The following AGR2 variants were observed in gnomAD, a reference collection of about 807,000 sequenced individuals.
AGR2 encodes anterior gradient 2, protein disulphide isomerase family member.
A neutral mutation model predicts 25.9 loss-of-function variants in AGR2; 27 were observed. The ratio of observed to expected loss-of-function variants is 1.04; its 90% CI spans 0.77 to 1.44. AGR2 has a LOEUF of 1.44. AGR2 is among the 40% of genes most tolerant of loss of function. The pLI is 0.00. For synonymous variants in AGR2, 78 were observed against 72.0 expected (o/e 1.08, Z -0.42); for missense variants, 182 against 200.9 (o/e 0.91, Z 0.57).
In AGR2 at chr7:16,801,304, T is replaced by A; in HGVS notation, c.203+16A>T. 3 of 1,613,256 alleles carry A rather than the reference T, an allele frequency of 1.9e-6. No individual in the cohort carries two copies. Among genetic ancestry groups the A allele is most frequent in the Non-Finnish European group, 2.5e-6 (3 of 1,179,388 alleles). Reference sequence around the variant, plus strand: ...TTGAGAGCTTTGAGGGAGCTCTGAGTAATCCTGATCTTTACCTTGTCTTGG... The same window carrying A: ...TTGAGAGCTTTGAGGGAGCTCTGAGAAATCCTGATCTTTACCTTGTCTTGG... On this transcript the variant is annotated intron_variant, in intron 3 of 7. Transcript: ENST00000419304.
At position 16,801,669 on chromosome 7, in the gene AGR2, G is replaced by T; in HGVS notation, c.128C>A (p.Thr43Asn). ...TKDSRPKLPQTLSRGWGDQLI... is the reference protein window; with the variant it reads ...TKDSRPKLPQNLSRGWGDQLI... ...AAGCTGACTCCTACCTCTGGAGAGG[G>T]TCTGGGGCAGTTTGGGTCGAGAGTC... The change falls in exon 2 of 8, where the codon ACC becomes AAC. Residue 43 changes from threonine to asparagine, a missense_variant. By Grantham distance (65) the Thr-to-Asn change is moderately conservative. Coordinates refer to ENST00000419304, the MANE Select transcript of AGR2 (RefSeq NM_006408.4). The T allele has an allele frequency of 6.2e-7, 1 of 1,613,810 alleles. No homozygotes were observed. Among genetic ancestry groups the T allele is most frequent in the Non-Finnish European group, 8.5e-7 (1 of 1,179,970 alleles).
chr7:16,794,634 G>A, intron 7 of AGR2: 2 of 565,584 alleles, frequency 3.5e-6, no homozygotes, highest in Non-Finnish European at 6.1e-6. Context: ...GTGATAGAAG[G>A]AGTGTGTGCT....
In AGR2 at chr7:16,800,553, A is replaced by G. The variant is rs1375257074; in HGVS notation, c.256+598T>C. ...GCCACTTGAGCACGTGAGTGATGGA[A>G]TCTGATTTATGTCTACCAGCCTCAC... is the stretch of plus-strand genomic sequence containing the variant. On this transcript the variant is annotated intron_variant, in intron 4 of 7. Coordinates refer to ENST00000419304, the MANE Select transcript of AGR2 (RefSeq NM_006408.4). Among the ~76,000 whole-genome samples the G allele has an allele frequency of 2.6e-5, 4 of 152,326 alleles. No homozygotes were observed. The South Asian group carries it at 8.3e-4, about 32-fold the overall frequency.
intron 1 of AGR2, among the ~76,000 whole-genome samples, chr7:16,803,536 G>C (rs1192217597): frequency 6.6e-6 from 1 of 152,056 alleles, no homozygotes; most frequent in Admixed American, 6.6e-5. Flanking sequence ...GTGTTGCTAA[G>C]CTACCAGATC....
intron 1 of AGR2, among the ~76,000 whole-genome samples, 160 bp downstream of exon 1, chr7:16,804,775 C>G (rs1562529114): frequency 1.3e-5 from 2 of 152,122 alleles, no homozygotes; most frequent in Non-Finnish European, 2.9e-5. Flanking sequence ...CCCAGTAAGA[C>G]TTTTGTGGAA....
At chr7:16,802,832 T>C (rs1347924163) in intron 1 of AGR2, among the ~76,000 whole-genome samples, 1 of 151,686 alleles carries the variant, frequency 6.6e-6, no homozygotes, top group Non-Finnish European at 1.5e-5. Flanking sequence ...GCTAAGAAAA[T>C]TTACATTTAC....
Position 16,792,866 on chromosome 7 carries a change from C to A in AGR2, c.*42G>T, listed in dbSNP as rs775599522. 1.3e-6 allele frequency: 2 copies of A among 1,569,960 alleles called. No individual in the cohort carries two copies. Among genetic ancestry groups the A allele is most frequent in the Non-Finnish European group, 1.8e-6 (2 of 1,139,850 alleles). The stretch of plus-strand genomic sequence containing the variant: ...TCTCACACTTCTTCTGGTTTCAAGT[C>A]TCAAGGCCTGACAGACAGAAGGGCT... On this transcript the variant is annotated 3_prime_UTR_variant, in exon 8 of 8. Coordinates refer to ENST00000419304, the MANE Select transcript of AGR2 (RefSeq NM_006408.4).
At position 16,795,132 on chromosome 7, in the gene AGR2, T is replaced by C. The variant is rs1245083746; in HGVS notation, c.395-113A>G. On this transcript the variant is annotated intron_variant, in intron 6 of 7. Coordinates refer to ENST00000419304, the MANE Select transcript of AGR2 (RefSeq NM_006408.4). ...ATTCATGTCCTGTGAGGGAATGGAG[T>C]GTGTCTGCACTCACAGGAGCTCTGA... is the stretch of plus-strand genomic sequence containing the variant. 7 of 1,161,594 alleles carry C rather than the reference T, an allele frequency of 6.0e-6. No individual in the cohort carries two copies. The African/African-American group carries it at 7.6e-5, about 13-fold the overall frequency. 72.0% of individuals were successfully genotyped at this position (1,161,594 alleles called of 1,614,324 possible). A position where few individuals can be genotyped will look rare whatever the true frequency, so the allele number is the denominator to read the frequency against.
intron 4 of AGR2, 94 bp downstream of exon 4, chr7:16,801,057 A>G: frequency 1.1e-6 from 1 of 898,360 alleles, no homozygotes; most frequent in Non-Finnish European, 1.7e-6. Context: ...CTTTAATGCA[A>G]CTGTGGTTCT....
intron 5 of AGR2, 154 bp downstream of exon 5, chr7:16,799,590 A>G (rs927980600): frequency 3.8e-5 from 21 of 553,922 alleles, no homozygotes; most frequent in African/African-American, 2.2e-4. Flanking sequence ...TATTAATACA[A>G]CGAAATATCT....
At chr7:16,801,095 C>T in intron 4 of AGR2, 56 bp downstream of exon 4, 3 of 1,438,206 alleles carry the variant, frequency 2.1e-6, no homozygotes, top group Non-Finnish European at 2.9e-6. Context: ...TGATCTGAAC[C>T]CTGGCCCTAA....
Position 16,792,899 on chromosome 7 carries a change from T to A in AGR2, c.*9A>T. On this transcript the variant is annotated 3_prime_UTR_variant, in exon 8 of 8. Coordinates refer to ENST00000419304, the MANE Select transcript of AGR2 (RefSeq NM_006408.4). The stretch of plus-strand genomic sequence containing the variant: ...CTGACAGACAGAAGGGCTTGGAGAT[T>A]TTTTTTCTTTACAATTCAGTCTTCA... 1.2e-6 allele frequency: 2 copies of A among 1,613,006 alleles called. No homozygotes were observed. Among genetic ancestry groups the A allele is most frequent in the Non-Finnish European group, 1.7e-6 (2 of 1,178,990 alleles).
At chr7:16,795,854 A>G (rs879304176) in intron 6 of AGR2, among the ~76,000 whole-genome samples, 1 of 152,216 alleles carries the variant, frequency 6.6e-6, no homozygotes, top group Non-Finnish European at 1.5e-5. Context: ...GGAGTGGGCA[A>G]TCTGTCATTT....
rs1784972557 is a variant in AGR2 at position 16,791,963 on chromosome 7, G to A, written c.*945C>T. On this transcript the variant is annotated 3_prime_UTR_variant, in exon 8 of 8. Transcript: ENST00000419304. The stretch of plus-strand genomic sequence containing the variant: ...CATATATTAATGAATGTGAGATTAA[G>A]TATAGAGTGAAGACATTAACACACA... 2 of 152,214 alleles carry A rather than the reference G, an allele frequency of 1.3e-5. No individual in the cohort carries two copies. Among genetic ancestry groups the A allele is most frequent in the African/African-American group, 2.4e-5 (1 of 41,440 alleles). The allele number at this position is 152,214 out of a possible 1,614,324, so 9.4% of individuals were successfully genotyped here. A position where few individuals can be genotyped will look rare whatever the true frequency, so the allele number is the denominator to read the frequency against.
intron 4 of AGR2, among the ~76,000 whole-genome samples, chr7:16,800,103 G>A (rs1785116465): frequency 1.3e-5 from 2 of 152,238 alleles, no homozygotes; most frequent in South Asian, 4.1e-4. Flanking sequence ...ACTAGGGATG[G>A]TGCAGTGAAC....
intron 5 of AGR2, among the ~76,000 whole-genome samples, chr7:16,798,089 CT>C (rs1785079801): frequency 6.6e-6 from 1 of 152,166 alleles, no homozygotes; most frequent in Non-Finnish European, 1.5e-5. Context: ...TTATTTAGAA[CT>C]GTATTTAGCA....
At chr7:16,793,077 G>T (rs1784989009) in intron 7 of AGR2, 120 bp from the exon 8 acceptor site, 1 of 913,204 alleles carries the variant, frequency 1.1e-6, no homozygotes, top group Non-Finnish European at 1.7e-6. Flanking sequence ...TTGAGACAAG[G>T]TCTCACTCCC....
chr7:16,799,735 G>A lies in AGR2; in HGVS notation c.330+9C>T, dbSNP rs1785110275. 1.7e-5 allele frequency: 27 copies of A among 1,602,862 alleles called. No individual in the cohort carries two copies. The highest frequency in any genetic ancestry group is 2.1e-5 in the Non-Finnish European group (25 of 1,173,022). On this transcript the variant is annotated intron_variant, in intron 5 of 7. Coordinates refer to ENST00000419304, the MANE Select transcript of AGR2 (RefSeq NM_006408.4). ...GAGAAATGTTAGTAATGATGAAAAGGAAACTTACAACCAGATTGAGGAGGA... is the reference window on the plus strand; with the variant it reads ...GAGAAATGTTAGTAATGATGAAAAGAAAACTTACAACCAGATTGAGGAGGA...
At chr7:16,802,015 C>A (rs1333516246) in intron 1 of AGR2, among the ~76,000 whole-genome samples, 2 of 151,122 alleles carry the variant, frequency 1.3e-5, no homozygotes, top group Non-Finnish European at 2.9e-5. Flanking sequence ...CCAATAAACC[C>A]ATTGTAAACT....
Sources: allele counts gnomAD v4.1 joint callset (sites outside exome capture counted in the v4.1 genomes callset), GRCh38; gene constraint gnomAD v4.1.1; transcripts MANE v1.5; gene names NCBI Gene and HGNC (gene_info 2026-07-23, HGNC 2026-07-21).